Variants in SHISA9 observed in about 807,000 individuals in gnomAD.
The protein encoded by SHISA9 is shisa family member 9.
In SHISA9, 13 loss-of-function variants were observed where a neutral mutation model predicts 38.0. The ratio of observed to expected loss-of-function variants is 0.34; its 90% confidence interval spans 0.22 to 0.54. The LOEUF (loss-of-function observed/expected upper bound fraction) is 0.54. SHISA9 is among the 20% of genes least tolerant of loss of function. SHISA9 has a pLI of 0.91. For synonymous variants in SHISA9, 275 were observed against 242.0 expected (o/e 1.14, Z -1.27); for missense variants, 538 against 575.8 (o/e 0.93, Z 0.67).
At chr16:13,405,016 C>T in the SHISA9 span, among the ~76,000 whole-genome samples, 6 of 152,176 alleles carry the variant, frequency 3.9e-5, no homozygotes, top group Non-Finnish European at 5.9e-5. Flanking sequence ...GAAGACACTG[C>T]GTCCCTTCAG....
At chr16:13,355,680 A>G in the SHISA9 span, among the ~76,000 whole-genome samples, 1 of 152,156 alleles carries the variant, frequency 6.6e-6, no homozygotes, top group Admixed American at 6.5e-5. Flanking sequence ...AGGCAAGGGA[A>G]ACAGGCCCTT....
the SHISA9 span, among the ~76,000 whole-genome samples, chr16:13,405,511 C>T: frequency 5.9e-5 from 9 of 152,260 alleles, no homozygotes; most frequent in East Asian, 3.9e-4. Context: ...GGGTGATATG[C>T]GCAGGTTTAT....
intron 3 of SHISA9, among the ~76,000 whole-genome samples, chr16:13,207,910 GCA>G (rs1567248901): frequency 2.5e-4 from 38 of 152,012 alleles, no homozygotes; most frequent in African/African-American, 8.7e-4. Context: ...CCTCCGATAA[GCA>G]GATTCATTTT....
chr16:13,315,902 A>G, the SHISA9 span, among the ~76,000 whole-genome samples: 3 of 152,144 alleles, frequency 2.0e-5, no homozygotes, highest in South Asian at 6.2e-4. Context: ...CTCCCTGGTC[A>G]ACTATTTAGC....
the SHISA9 span, among the ~76,000 whole-genome samples, chr16:13,285,462 G>GTTTTTT: frequency 2.1e-5 from 2 of 95,784 alleles, no homozygotes; most frequent in South Asian, 4.1e-4. Flanking sequence ...TTCAGGTGTA[G>GTTTTTT]TTTTTTTTTT....
the SHISA9 span, among the ~76,000 whole-genome samples, chr16:13,296,368 T>C: frequency 6.6e-6 from 1 of 152,052 alleles, no homozygotes; most frequent in Admixed American, 6.6e-5. Context: ...TATTTACCCA[T>C]TTGTATTATC....
chr16:13,325,956 G>A, the SHISA9 span, among the ~76,000 whole-genome samples: 3 of 151,408 alleles, frequency 2.0e-5, no homozygotes, highest in East Asian at 5.9e-4. Flanking sequence ...TGCATGAGGG[G>A]CTTGAAACCT....
chr16:13,161,580 T>C (rs1306395295), intron 2 of SHISA9, among the ~76,000 whole-genome samples: 1 of 152,130 alleles, frequency 6.6e-6, no homozygotes, highest in African/African-American at 2.4e-5. Flanking sequence ...GTCCCAGCCA[T>C]CCCCTCCTAC....
the SHISA9 span, among the ~76,000 whole-genome samples, chr16:13,453,179 C>T: frequency 7.2e-5 from 11 of 152,112 alleles, no homozygotes; most frequent in South Asian, 2.1e-4. Flanking sequence ...TGAGCCACCG[C>T]GCCCAGCCTT....
At chr16:12,989,974 G>A (rs1051653746) in intron 2 of SHISA9, among the ~76,000 whole-genome samples, 1 of 151,942 alleles carries the variant, frequency 6.6e-6, no homozygotes, top group Non-Finnish European at 1.5e-5. Flanking sequence ...TGTTCCCCTC[G>A]CTGTGTTCAT....
At chr16:13,494,048 C>A in the SHISA9 span, among the ~76,000 whole-genome samples, 1 of 151,984 alleles carries the variant, frequency 6.6e-6, no homozygotes. Context: ...TTTATTGGAA[C>A]CTGAGATGCA....
intron 4 of SHISA9, among the ~76,000 whole-genome samples, chr16:13,224,961 A>G (rs369889222): frequency 4.6e-5 from 7 of 152,204 alleles, no homozygotes; most frequent in African/African-American, 1.7e-4. Flanking sequence ...TTGTCCATTC[A>G]GAACCTCAGG....
chr16:13,115,157 C>T (rs1458506570), intron 2 of SHISA9, among the ~76,000 whole-genome samples: 1 of 152,154 alleles, frequency 6.6e-6, no homozygotes, highest in Non-Finnish European at 1.5e-5. Context: ...GATTCCTTAG[C>T]AGGGATGATA....
intron 2 of SHISA9, among the ~76,000 whole-genome samples, chr16:13,166,252 GTTATCCT>G (rs2050634627): frequency 1.3e-5 from 2 of 152,294 alleles, no homozygotes; most frequent in Non-Finnish European, 2.9e-5. Flanking sequence ...ACAATGATAT[GTTATCCT>G]TTTCTGTTTC....
chr16:13,359,811 G>A, the SHISA9 span, among the ~76,000 whole-genome samples: 2 of 152,216 alleles, frequency 1.3e-5, no homozygotes. Context: ...TTGCCTGAGT[G>A]TGGTGACACA....
the SHISA9 span, among the ~76,000 whole-genome samples, chr16:13,527,946 G>A: frequency 6.6e-6 from 1 of 152,126 alleles, no homozygotes; most frequent in Non-Finnish European, 1.5e-5. Context: ...GTCAGACACA[G>A]GGCAGCTCCA....
chr16:13,382,547 A>AG, the SHISA9 span, among the ~76,000 whole-genome samples: 2 of 150,294 alleles, frequency 1.3e-5, no homozygotes, highest in East Asian at 3.9e-4. Flanking sequence ...AAAAAAAAAA[A>AG]AAGAAAGAAA....
chr16:13,377,311 G>A, the SHISA9 span, among the ~76,000 whole-genome samples: 4 of 152,348 alleles, frequency 2.6e-5, no homozygotes, highest in East Asian at 3.9e-4. Context: ...CAGAGCAGCC[G>A]TGTACTCAAG....
At chr16:13,308,778 C>T in the SHISA9 span, among the ~76,000 whole-genome samples, 1 of 152,162 alleles carries the variant, frequency 6.6e-6, no homozygotes, top group Non-Finnish European at 1.5e-5. Context: ...AATCCCACCA[C>T]CATCCTCTTA....
Sources: gnomAD v4.1 joint callset for allele counts (sites outside exome capture counted in the v4.1 genomes callset) on GRCh38, gnomAD v4.1.1 for gene constraint, MANE v1.5 for transcripts, NCBI Gene and HGNC (gene_info 2026-07-23, HGNC 2026-07-21) for gene names.